Variants in FTCD observed in about 807,000 individuals in gnomAD.
FTCD encodes the protein formimidoyltransferase cyclodeaminase.
A neutral mutation model predicts 62.9 loss-of-function variants in FTCD; 76 were observed. The observed-to-expected ratio is 1.21, with a 90% confidence interval of 1.00 to 1.46. FTCD has a LOEUF of 1.46. Among genes scored for constraint, FTCD ranks in the 40% most tolerant of loss-of-function variants. The probability of loss-of-function intolerance (pLI) is 0.00; values close to 1 mark genes in which losing one functional copy is unlikely to be tolerated. For synonymous variants in FTCD, 397 were observed against 336.9 expected (o/e 1.18, Z -1.95); for missense variants, 845 against 751.3 (o/e 1.12, Z -1.46).
intron 5 of FTCD, 87 bp downstream of exon 5, chr21:46,151,471 C>T: frequency 7.8e-7 from 1 of 1,283,910 alleles, no homozygotes; most frequent in Non-Finnish European, 1.1e-6. Flanking sequence ...GCCCCATCCC[C>T]ACCGACCTCC....
At chr21:46,144,460 T>C (rs1421644171) in intron 10 of FTCD, among the ~76,000 whole-genome samples, 1 of 4,956 alleles carries the variant, frequency 2.0e-4, no homozygotes, top group African/African-American at 1.0e-3. Context: ...CTCTCTCCCC[T>C]CTCTCCCCCC....
intron 6 of FTCD, 52 bp downstream of exon 6, chr21:46,150,336 C>T (rs2079237479): frequency 7.4e-6 from 12 of 1,610,854 alleles, no homozygotes; most frequent in South Asian, 3.3e-5. Context: ...GCCCTGCCCA[C>T]GGGACAGATC....
intron 2 of FTCD, among the ~76,000 whole-genome samples, chr21:46,153,749 T>C (rs2079360773): frequency 6.6e-6 from 1 of 152,142 alleles, no homozygotes; most frequent in African/African-American, 2.4e-5. Context: ...CCCACCGAGG[T>C]GTTTGGCTTG....
At chr21:46,137,143 C>A (rs779913699) in intron 13 of FTCD, 70 bp from the exon 14 acceptor site, 1 of 1,600,168 alleles carries the variant, frequency 6.2e-7, no homozygotes, top group Non-Finnish European at 8.6e-7. Context: ...CAGCAACCTC[C>A]GACCCCCACT....
intron 10 of FTCD, among the ~76,000 whole-genome samples, chr21:46,141,583 A>G (rs898848621): frequency 6.6e-6 from 1 of 152,184 alleles, no homozygotes; most frequent in Non-Finnish European, 1.5e-5. Context: ...AAGACCCAAA[A>G]AATATAAAGT....
At chr21:46,155,270 C>T (rs1347817057) in intron 1 of FTCD, among the ~76,000 whole-genome samples, 200 bp downstream of exon 1, 2 of 152,162 alleles carry the variant, frequency 1.3e-5, no homozygotes, top group African/African-American at 2.4e-5. Flanking sequence ...AAGCACCAGT[C>T]GTGTTCCACC....
intron 13 of FTCD, 28 bp downstream of exon 13, chr21:46,137,211 C>A: frequency 6.3e-7 from 1 of 1,585,342 alleles, no homozygotes; most frequent in South Asian, 1.1e-5. Flanking sequence ...CACGTGGGGT[C>A]CGGGCACCAC....
chr21:46,142,881 T>G (rs1428915108), intron 10 of FTCD: 1 of 152,250 alleles, frequency 6.6e-6, no homozygotes, highest in Non-Finnish European at 1.5e-5. Flanking sequence ...CACAGAGCAC[T>G]GACTGGTGCG....
At position 46,154,174 on chromosome 21, in the gene FTCD, T is replaced by A. The variant is rs760298980; in HGVS notation, c.213A>T (p.Arg71=). Reference sequence around the variant, plus strand: ...CTTGGTGCCTGCTCATGTCGATAAGTCGGGAAGCTACCCGGGCAGCGTTGA... The same window carrying A: ...CTTGGTGCCTGCTCATGTCGATAAGACGGGAAGCTACCCGGGCAGCGTTGA... ...GALNAARVAS[R]LIDMSRHQGE... The change falls in exon 2 of 14, where the codon CGA becomes CGT. Residue 71 remains arginine, a synonymous_variant. Transcript: ENST00000397746. 1.2e-6 allele frequency: 2 copies of A among 1,612,462 alleles called. No homozygotes were observed. Among genetic ancestry groups the A allele is most frequent in the South Asian group, 2.2e-5 (2 of 91,084 alleles).
At position 46,151,599 on chromosome 21, in the gene FTCD, T is replaced by C. The variant is rs371382199; in HGVS notation, c.595A>G (p.Ile199Val). ...LLGTKEQAHR[I>V]ALNLREQGRG... ...CCCTGCTCCCGCAGGTTGAGCGCGA[T>C]GCGGTGGGCTTGCTCCTTTGTGCCG... is the stretch of plus-strand genomic sequence containing the variant. The change falls in exon 5 of 14, where the codon ATC becomes GTC. Residue 199 changes from isoleucine to valine, a missense_variant. By Grantham distance (29) the Ile-to-Val change is conservative. Transcript: ENST00000397746. 8.0e-5 allele frequency: 129 copies of C among 1,612,898 alleles called. No homozygotes were observed. The highest frequency in any genetic ancestry group is 1.0e-4 in the Non-Finnish European group (123 of 1,179,972).
intron 1 of FTCD, 150 bp from the exon 2 acceptor site, chr21:46,154,482 A>G: frequency 9.9e-7 from 1 of 1,008,504 alleles, no homozygotes; most frequent in South Asian, 1.4e-5. Context: ...GCTCCCACCG[A>G]AAGTGCCCGC....
rs372247885 is a variant in FTCD at position 46,151,685 on chromosome 21, C to T, written c.509G>A (p.Ser170Asn). 1 of 1,613,042 alleles carries T rather than the reference C, an allele frequency of 6.2e-7. No homozygotes were observed. The highest frequency in any genetic ancestry group is 1.7e-5 in the Admixed American group (1 of 60,026). ...CGCCCCCGTGGCCGTGGCCCCCCAACTGGGGACAAAGGAGCTGGGACCAAA... is the reference window on the plus strand; with the variant it reads ...CGCCCCCGTGGCCGTGGCCCCCCAATTGGGGACAAAGGAGCTGGGACCAAA... ...PDFGPSSFVPSWGATATGARK... is the reference protein window; with the variant it reads ...PDFGPSSFVPNWGATATGARK... The change falls in exon 5 of 14, where the codon AGT becomes AAT. Residue 170 changes from serine to asparagine, a missense_variant. Coordinates refer to ENST00000397746, the MANE Select transcript of FTCD (RefSeq NM_206965.2).
rs754530912 is a variant in FTCD at position 46,151,595 on chromosome 21, G to A, written c.599C>T (p.Ala200Val). Residue 200 changes from alanine to valine, a missense_variant, in exon 5 of 14, where the codon GCG (alanine) becomes GTG (valine). Ala to Val is a moderately conservative substitution (Grantham distance 64). Coordinates refer to ENST00000397746, the MANE Select transcript of FTCD (RefSeq NM_206965.2). ...GCGGCCCTGCTCCCGCAGGTTGAGC[G>A]CGATGCGGTGGGCTTGCTCCTTTGT... Reference protein sequence around the residue: ...LGTKEQAHRIALNLREQGRGK... With the variant: ...LGTKEQAHRIVLNLREQGRGK... 8.7e-6 allele frequency: 14 copies of A among 1,612,860 alleles called. No individual in the cohort carries two copies. Among genetic ancestry groups the A allele is most frequent in the Admixed American group, 8.3e-5 (5 of 60,010 alleles).
chr21:46,142,659 G>C (rs1180501067), intron 10 of FTCD: 1 of 152,202 alleles, frequency 6.6e-6, no homozygotes, highest in Admixed American at 6.5e-5. Flanking sequence ...AGTTCGAAGA[G>C]CAAAAGAACA....
intron 10 of FTCD, among the ~76,000 whole-genome samples, chr21:46,139,501 C>T (rs550450585): frequency 6.6e-6 from 1 of 152,208 alleles, no homozygotes; most frequent in Non-Finnish European, 1.5e-5. Context: ...CAAGGACCCA[C>T]TGGGAGCCCT....
chr21:46,153,950 C>T (rs1039567748), intron 2 of FTCD, among the ~76,000 whole-genome samples, 199 bp downstream of exon 2: 1 of 152,148 alleles, frequency 6.6e-6, no homozygotes, highest in Non-Finnish European at 1.5e-5. Flanking sequence ...GGGGGTCCCC[C>T]AGAGCACAGC....
At chr21:46,136,551 A>C (rs2078871104), downstream of FTCD, 3 of 1,598,594 alleles carry the variant, frequency 1.9e-6, no homozygotes, top group Non-Finnish European at 2.6e-6. Flanking sequence ...CTCACAGCCC[A>C]GGGACCTGCA....
chr21:46,145,128 C>A (rs146073639), intron 10 of FTCD, among the ~76,000 whole-genome samples: 55 of 152,330 alleles, frequency 3.6e-4, no homozygotes, highest in Admixed American at 2.5e-3. Flanking sequence ...CAAGCCTGGG[C>A]TCCTGGCTCC....
chr21:46,136,744 GC>G, downstream of FTCD: 1 of 1,488,000 alleles, frequency 6.7e-7, no homozygotes, highest in South Asian at 1.4e-5. Context: ...TCAGCTCTCA[GC>G]CCTGCCCCCA....
Sources: allele counts gnomAD v4.1 joint callset (sites outside exome capture counted in the v4.1 genomes callset), GRCh38; gene constraint gnomAD v4.1.1; transcripts MANE v1.5; gene names NCBI Gene and HGNC (gene_info 2026-07-23, HGNC 2026-07-21).